The following ZMPSTE24 variants were observed in gnomAD, a reference collection of about 807,000 sequenced individuals.
ZMPSTE24 encodes the protein CAAX prenyl protease 1 homolog.
Under a neutral mutation model 56.7 loss-of-function variants are expected in ZMPSTE24, and 48 were observed. The observed-to-expected ratio is 0.85, with a 90% confidence interval of 0.67 to 1.08. The LOEUF (loss-of-function observed/expected upper bound fraction) is 1.08, where lower values mean the gene tolerates loss of function less well. Ranked by LOEUF, ZMPSTE24 falls within the 50% of genes least tolerant of loss-of-function variation. ZMPSTE24 has a pLI of 0.00. For synonymous variants in ZMPSTE24, 172 were observed against 195.2 expected (o/e 0.88, Z 0.99); for missense variants, 503 against 548.7 (o/e 0.92, Z 0.83).
intron 2 of ZMPSTE24, among the ~76,000 whole-genome samples, chr1:40,266,037 ATAAAGT>A (rs1643545410): frequency 6.6e-6 from 1 of 152,246 alleles, no homozygotes; most frequent in African/African-American, 2.4e-5. Context: ...ATAATACCAA[ATAAAGT>A]TGAAGTCCAC....
intron 5 of ZMPSTE24, 85 bp downstream of exon 5, chr1:40,270,212 TAAG>T: frequency 4.7e-6 from 7 of 1,477,068 alleles, no homozygotes; most frequent in Middle Eastern, 2.1e-4. Flanking sequence ...AAACAGTTCT[TAAG>T]AAGCAGCTGA....
intron 6 of ZMPSTE24, among the ~76,000 whole-genome samples, chr1:40,277,837 C>T (rs1049145137): frequency 6.6e-5 from 10 of 151,208 alleles, no homozygotes; most frequent in African/African-American, 1.9e-4. Context: ...GGTGTGGTGG[C>T]GTGTGCATGT....
intron 7 of ZMPSTE24, among the ~76,000 whole-genome samples, chr1:40,282,412 T>C (rs779950811): frequency 1.3e-5 from 2 of 152,218 alleles, no homozygotes; most frequent in African/African-American, 2.4e-5. Context: ...TGTGATGGAA[T>C]GTGCCATTGC....
intron 6 of ZMPSTE24, among the ~76,000 whole-genome samples, chr1:40,273,537 AATATAT>A (rs71577619): frequency 1.6e-3 from 20 of 12,382 alleles, no homozygotes; most frequent in South Asian, 4.3e-3. Flanking sequence ...AAAAAAAAAA[AATATAT>A]ATATATATAT....
chr1:40,273,537 A>AATATATATATATATATATAT (rs71577619), intron 6 of ZMPSTE24, among the ~76,000 whole-genome samples: 1 of 12,386 alleles, frequency 8.1e-5, no homozygotes, highest in Non-Finnish European at 2.0e-4. Flanking sequence ...AAAAAAAAAA[A>AATATATATATATATATATAT]ATATATATAT....
At chr1:40,259,212 A>T (rs188560054) in intron 1 of ZMPSTE24, 4 of 152,338 alleles carry the variant, frequency 2.6e-5, no homozygotes, top group Admixed American at 2.6e-4. Context: ...TTTTCATAAA[A>T]TCAACATTAT....
chr1:40,260,675 T>C (rs1201812615), intron 1 of ZMPSTE24, among the ~76,000 whole-genome samples, 164 bp from the exon 2 acceptor site: 1 of 152,232 alleles, frequency 6.6e-6, no homozygotes, highest in Non-Finnish European at 1.5e-5. Flanking sequence ...TTTATTTTCC[T>C]GCATCAGTCG....
intron 6 of ZMPSTE24, among the ~76,000 whole-genome samples, chr1:40,273,026 T>G (rs1175541954): frequency 1.3e-5 from 2 of 152,150 alleles, no homozygotes; most frequent in Non-Finnish European, 2.9e-5. Context: ...CAATAAAACT[T>G]TATGAAAATA....
At chr1:40,275,594 A>G (rs899776413) in intron 6 of ZMPSTE24, among the ~76,000 whole-genome samples, 1 of 151,848 alleles carries the variant, frequency 6.6e-6, no homozygotes, top group Non-Finnish European at 1.5e-5. Flanking sequence ...TCTACTAAAA[A>G]TACAAAAATT....
intron 7 of ZMPSTE24, among the ~76,000 whole-genome samples, chr1:40,284,360 AATTT>A (rs1643762214): frequency 6.6e-6 from 1 of 152,038 alleles, no homozygotes; most frequent in East Asian, 1.9e-4. Flanking sequence ...CTCTTTATAT[AATTT>A]ATTTCATGTT....
Position 40,271,844 on chromosome 1 carries a change from T to C in ZMPSTE24, c.628-50T>C, listed in dbSNP as rs6677717. ...AATTTAATCTGTATAATAAAGAATG[T>C]TTTTTCTTTAAGAACATGTTCATAT... On this transcript the variant is annotated intron_variant, in intron 5 of 9. Transcript: ENST00000372759. 6.3e-7 allele frequency: 1 copy of C among 1,598,960 alleles called. No individual in the cohort carries two copies. The highest frequency in any genetic ancestry group is 1.7e-5 in the Admixed American group (1 of 59,510).
chr1:40,261,050 A>C (rs560805595), intron 2 of ZMPSTE24, 65 bp downstream of exon 2: 1 of 1,585,324 alleles, frequency 6.3e-7, no homozygotes, highest in African/African-American at 1.3e-5. Flanking sequence ...TTTTTGTAAC[A>C]CAAAAGAGGG....
At chr1:40,266,761 GTTTTTT>G (rs3075102) in intron 2 of ZMPSTE24, among the ~76,000 whole-genome samples, 3 of 88,116 alleles carry the variant, frequency 3.4e-5, no homozygotes, top group Admixed American at 1.3e-4. Context: ...TTTCGAACAA[GTTTTTT>G]TTTTTTTTTT....
At chr1:40,279,645 C>A (rs535637504) in intron 6 of ZMPSTE24, among the ~76,000 whole-genome samples, 124 of 152,300 alleles carry the variant, frequency 8.1e-4, no homozygotes, top group Middle Eastern at 3.4e-3. Flanking sequence ...GGCAAAACTT[C>A]ATAGCCCAAT....
At position 40,281,461 on chromosome 1, in the gene ZMPSTE24, G is replaced by A. The variant is rs759489210; in HGVS notation, c.888G>A (p.Glu296=). ...CTGTACTAAACAAAGACATCCAGGA[G>A]GATTCTGGCATGGAACCCCGCAATG... The part of the protein sequence containing the change: ...EYSVLNKDIQ[E]DSGMEPRNEE... Residue 296 remains glutamate (E), a synonymous_variant, in exon 7 of 10, where the codon GAG becomes GAA. Transcript: ENST00000372759. 1.2e-6 allele frequency: 2 copies of A among 1,614,106 alleles called. No homozygotes were observed. The highest frequency in any genetic ancestry group is 1.1e-5 in the South Asian group (1 of 91,076).
intron 6 of ZMPSTE24, among the ~76,000 whole-genome samples, chr1:40,280,627 T>C (rs1003623631): frequency 2.8e-4 from 43 of 152,128 alleles, no homozygotes; most frequent in African/African-American, 1.0e-3. Context: ...GGTTTCACCA[T>C]GTTGGCCAGG....
intron 4 of ZMPSTE24, among the ~76,000 whole-genome samples, chr1:40,269,109 A>C (rs555145521): frequency 2.4e-4 from 36 of 151,202 alleles, no homozygotes; most frequent in Non-Finnish European, 4.6e-4. Flanking sequence ...AAAGAAAAAA[A>C]GTCTTGACTG....
intron 1 of ZMPSTE24, among the ~76,000 whole-genome samples, chr1:40,259,085 T>G (rs999831955): frequency 5.3e-5 from 8 of 151,910 alleles, no homozygotes; most frequent in African/African-American, 1.9e-4. Flanking sequence ...TTGAACCCAG[T>G]AGGCGGAGGT....
At chr1:40,262,591 CA>C in intron 2 of ZMPSTE24, 1 of 162,212 alleles carries the variant, frequency 6.2e-6, no homozygotes. Flanking sequence ...GGCCTTGGTC[CA>C]AAAAAGACTA....
Sources: gnomAD v4.1 joint callset for allele counts (sites outside exome capture counted in the v4.1 genomes callset) on GRCh38, gnomAD v4.1.1 for gene constraint, MANE v1.5 for transcripts, NCBI Gene and HGNC (gene_info 2026-07-23, HGNC 2026-07-21) for gene names.